Variants in INTS6 observed in about 807,000 individuals in gnomAD.
The protein encoded by INTS6 is integrator complex subunit 6.
In INTS6, 16 loss-of-function variants were observed where a neutral mutation model predicts 104.9. The ratio of observed to expected loss-of-function variants is 0.15; its 90% confidence interval spans 0.10 to 0.23. INTS6 has a LOEUF of 0.23. Among genes scored for constraint, INTS6 ranks in the 10% least tolerant of loss-of-function variants. The probability of loss-of-function intolerance (pLI) is 1.00; values close to 1 mark genes in which losing one functional copy is unlikely to be tolerated. For missense variants in INTS6, 584 were observed against 1,062.8 expected (o/e 0.55, Z 6.26); for synonymous variants, 324 against 358.7 (o/e 0.90, Z 1.09).
chr13:51,409,819 T>C (rs1454538950), intron 4 of INTS6, among the ~76,000 whole-genome samples: 3 of 152,142 alleles, frequency 2.0e-5, no homozygotes, highest in East Asian at 1.9e-4. Flanking sequence ...AAGGAAGAAG[T>C]GTACCTGTCT....
chr13:51,341,489 A>C, the INTS6 span: 1 of 844,208 alleles, frequency 1.2e-6, no homozygotes, highest in Non-Finnish European at 1.8e-6. Context: ...TCTCCAGCTC[A>C]CCCTGCTGCT....
At chr13:51,436,409 C>A (rs995954757) in intron 3 of INTS6, 4 of 152,084 alleles carry the variant, frequency 2.6e-5, no homozygotes, top group Admixed American at 6.5e-5. Flanking sequence ...CAAGTAACTC[C>A]GTTACACGAC....
intron 12 of INTS6, 89 bp from the exon 13 acceptor site, chr13:51,376,263 A>G (rs1342786456): frequency 2.0e-6 from 2 of 998,156 alleles, no homozygotes. Context: ...AGGTTTGGAA[A>G]TAAGATATAT....
chr13:51,350,268 C>T (rs1369911987), downstream of INTS6, among the ~76,000 whole-genome samples: 6 of 152,006 alleles, frequency 3.9e-5, no homozygotes, highest in Admixed American at 2.0e-4. Context: ...TCCAAAGTAA[C>T]CTTTTATTTA....
Position 51,396,946 on chromosome 13 carries a change from T to A in INTS6, c.430-1463A>T, listed in dbSNP as rs931606361. ...TTTAAGTGTGATAATGGTATTTAAG[T>A]ATATGGTGCTTAGGAAAACCAAAAT... is the stretch of plus-strand genomic sequence containing the variant. On this transcript the variant is annotated intron_variant, in intron 4 of 17. Transcript: ENST00000311234. Among the ~76,000 whole-genome samples, 2 of 152,182 alleles carry A rather than the reference T, an allele frequency of 1.3e-5. 1 individual carries two copies. The highest frequency in any genetic ancestry group is 4.1e-4 in the South Asian group (2 of 4,832).
intron 5 of INTS6, among the ~76,000 whole-genome samples, chr13:51,390,208 T>C (rs1956220344): frequency 1.3e-5 from 2 of 152,006 alleles, no homozygotes; most frequent in African/African-American, 2.4e-5. Context: ...ACTAGACACA[T>C]GTAGCTATTG....
intron 4 of INTS6, among the ~76,000 whole-genome samples, chr13:51,427,220 T>G (rs188554055): frequency 1.3e-5 from 2 of 152,128 alleles, no homozygotes; most frequent in African/African-American, 2.4e-5. Context: ...ACAGGAATTA[T>G]GTACACATAT....
At chr13:51,402,565 CAA>C (rs1956457793) in intron 4 of INTS6, 1 of 152,128 alleles carries the variant, frequency 6.6e-6, no homozygotes, top group African/African-American at 2.4e-5. Flanking sequence ...TGCTTGAATA[CAA>C]GTGAGGTTTT....
intron 6 of INTS6, among the ~76,000 whole-genome samples, 173 bp downstream of exon 6, chr13:51,389,146 T>C (rs114942988): frequency 0.02 from 3,037 of 152,318 alleles, 52 homozygotes; most frequent in African/African-American, 0.049. Context: ...GCTACTAGAC[T>C]ACTATTAGTT....
intron 4 of INTS6, among the ~76,000 whole-genome samples, chr13:51,405,672 G>T (rs1956548633): frequency 6.6e-6 from 1 of 152,060 alleles, no homozygotes; most frequent in Non-Finnish European, 1.5e-5. Context: ...CCACTTCCAT[G>T]GAAGCTGGCT....
chr13:51,338,005 G>A, the INTS6 span, among the ~76,000 whole-genome samples: 3,807 of 152,282 alleles, frequency 0.025, 61 homozygotes, highest in South Asian at 0.057. Flanking sequence ...ACTTTGAAAT[G>A]TTTAGCCTAT....
intron 7 of INTS6, among the ~76,000 whole-genome samples, chr13:51,386,861 G>A (rs541533379): frequency 6.6e-5 from 10 of 152,202 alleles, no homozygotes; most frequent in Non-Finnish European, 1.2e-4. Flanking sequence ...AATGAATACT[G>A]ATAATTCACC....
chr13:51,381,821 G>T (rs1369211132), intron 10 of INTS6, among the ~76,000 whole-genome samples: 1 of 151,576 alleles, frequency 6.6e-6, no homozygotes, highest in Non-Finnish European at 1.5e-5. Flanking sequence ...TCCTGCCTCA[G>T]CCTCCCGAGT....
At chr13:51,449,471 G>C (rs771048218) in intron 3 of INTS6, 10 of 985,136 alleles carry the variant, frequency 1.0e-5, no homozygotes, top group Non-Finnish European at 1.2e-5. Context: ...GCAGTTTTTC[G>C]AAGGAAGCAA....
chr13:51,347,295 G>C, the INTS6 span: 8 of 1,435,170 alleles, frequency 5.6e-6, no homozygotes, highest in Admixed American at 1.1e-4. Context: ...GAGGGCAGGA[G>C]AGAGGAGGCC....
chr13:51,397,842 C>A (rs776748628), intron 4 of INTS6, among the ~76,000 whole-genome samples: 1 of 152,008 alleles, frequency 6.6e-6, no homozygotes, highest in Admixed American at 6.6e-5. Flanking sequence ...CATGCACACA[C>A]ACAAACTAAT....
chr13:51,335,321 T>C, the INTS6 span, among the ~76,000 whole-genome samples: 437 of 152,122 alleles, frequency 2.9e-3, 1 homozygote, highest in Non-Finnish European at 5.0e-3. Context: ...AACCACAATA[T>C]AGAAAAATGG....
At position 51,452,660 on chromosome 13, in the gene INTS6, C is replaced by G; in HGVS notation, c.-135G>C. The G allele has an allele frequency of 6.9e-7, 1 of 1,446,948 alleles. No individual in the cohort carries two copies. Among genetic ancestry groups the G allele is most frequent in the Non-Finnish European group, 9.1e-7 (1 of 1,099,846 alleles). The allele number at this position is 1,446,948 out of a possible 1,614,324, so 89.6% of individuals were successfully genotyped here. A position where few individuals can be genotyped will look rare whatever the true frequency, so the allele number is the denominator to read the frequency against. On this transcript the variant is annotated 5_prime_UTR_variant, in exon 1 of 18. Transcript: ENST00000311234. The surrounding 1 kb of genome is among the most constrained non-coding windows in gnomAD (Gnocchi z 4.2). ...CCCGGGAGGAAAACACTGTCTGGGT[C>G]TTTCCTCCGGCTGCGGGGAGTTTCT...
chr13:51,342,118 C>T, the INTS6 span, among the ~76,000 whole-genome samples: 1 of 148,534 alleles, frequency 6.7e-6, no homozygotes, highest in African/African-American at 2.5e-5. Context: ...AAAACAGATA[C>T]TCACACACAT....
Sources: allele counts gnomAD v4.1 joint callset (sites outside exome capture counted in the v4.1 genomes callset), GRCh38; gene constraint gnomAD v4.1.1; non-coding constraint Gnocchi (gnomAD v3.1); transcripts MANE v1.5; gene names NCBI Gene and HGNC (gene_info 2026-07-23, HGNC 2026-07-21).